The following MAP3K5 variants were observed in gnomAD, a reference collection of about 807,000 sequenced individuals.
MAP3K5 encodes the protein ASK-1.
MAP3K5 carries 56 observed loss-of-function variants against 158.7 expected under a neutral mutation model. The ratio of observed to expected loss-of-function variants is 0.35; its 90% CI spans 0.28 to 0.44. MAP3K5 has a LOEUF of 0.44. Ranked by LOEUF, MAP3K5 falls within the 20% of genes least tolerant of loss-of-function variation. The pLI is 1.00. For missense variants in MAP3K5, 1,294 were observed against 1,674.8 expected, an observed-to-expected ratio of 0.77 and a Z score of 3.97; for synonymous variants, 579 against 601.7, an observed-to-expected ratio of 0.96 and a Z score of 0.55.
intron 7 of MAP3K5, among the ~76,000 whole-genome samples, chr6:136,678,467 A>T (rs1779795091): frequency 6.6e-6 from 1 of 152,220 alleles, no homozygotes; most frequent in Non-Finnish European, 1.5e-5. Flanking sequence ...GGATACATAA[A>T]TATGAACAAT....
At position 136,659,301 on chromosome 6, in the gene MAP3K5, G is replaced by GA. The variant is rs777490757; in HGVS notation, c.1443dup (p.Leu482SerfsTer9). On this transcript the variant is annotated frameshift_variant, in exon 9 of 30. Transcript: ENST00000359015. LOFTEE classifies it high-confidence loss of function. ...TCATTGGCTAGGACGCTGGCCCCCA[G>GA]AAAAAATCCAACTTCCCAGTAGCTC... 1 of 1,614,088 alleles carries GA rather than the reference G, an allele frequency of 6.2e-7. No individual in the cohort carries two copies. Among genetic ancestry groups the GA allele is most frequent in the East Asian group, 2.2e-5 (1 of 44,870 alleles).
chr6:136,687,169 G>A (rs950285036), intron 7 of MAP3K5, among the ~76,000 whole-genome samples: 5 of 152,224 alleles, frequency 3.3e-5, no homozygotes, highest in East Asian at 1.9e-4. Flanking sequence ...AACAAGTAAC[G>A]GGGAAAGAAT....
intron 23 of MAP3K5, 23 bp from the exon 24 acceptor site, chr6:136,583,763 C>T (rs773148994): frequency 1.7e-5 from 28 of 1,602,168 alleles, no homozygotes; most frequent in Non-Finnish European, 2.4e-5. Context: ...ATCAACAATC[C>T]TTACATCAAC....
intron 1 of MAP3K5, among the ~76,000 whole-genome samples, chr6:136,721,880 AAAT>A (rs1202346491): frequency 2.6e-5 from 4 of 152,188 alleles, no homozygotes; most frequent in African/African-American, 9.6e-5. Flanking sequence ...TTAAATTAAA[AAAT>A]AATAACTTCA....
chr6:136,770,675 T>C (rs979156946), intron 1 of MAP3K5, among the ~76,000 whole-genome samples: 1 of 152,212 alleles, frequency 6.6e-6, no homozygotes, highest in Admixed American at 6.5e-5. Context: ...AAGGATTGCC[T>C]GAGCCCAGAA....
At chr6:136,650,412 G>A (rs530645805) in intron 11 of MAP3K5, among the ~76,000 whole-genome samples, 1 of 152,304 alleles carries the variant, frequency 6.6e-6, no homozygotes, top group East Asian at 1.9e-4. Flanking sequence ...GAAGTGGAAA[G>A]GCTTATCCAC....
intron 2 of MAP3K5, among the ~76,000 whole-genome samples, chr6:136,709,307 T>C (rs930751209): frequency 4.6e-5 from 7 of 152,190 alleles, no homozygotes; most frequent in Admixed American, 6.5e-5. Context: ...GGTAGATATA[T>C]GTAAGATATG....
chr6:136,740,642 A>G (rs1246286791), intron 1 of MAP3K5, among the ~76,000 whole-genome samples: 1 of 152,192 alleles, frequency 6.6e-6, no homozygotes, highest in East Asian at 1.9e-4. Flanking sequence ...TTAAAAAAAG[A>G]AGAAATGTTA....
chr6:136,610,597 T>TAA (rs201221344), intron 18 of MAP3K5, among the ~76,000 whole-genome samples: 1,548 of 64,318 alleles, frequency 0.024, 33 homozygotes, highest in African/African-American at 0.083. Context: ...AAATGTTTAA[T>TAA]AAAAAAAAAA....
intron 7 of MAP3K5, among the ~76,000 whole-genome samples, chr6:136,685,338 A>G (rs1337152728): frequency 6.6e-6 from 1 of 152,034 alleles, no homozygotes; most frequent in East Asian, 1.9e-4. Context: ...TAATAATAAT[A>G]ATCTAAACCA....
At chr6:136,659,119 A>G in intron 9 of MAP3K5, 100 bp downstream of exon 9, 1 of 1,046,516 alleles carries the variant, frequency 9.6e-7, no homozygotes, top group Non-Finnish European at 1.4e-6. Flanking sequence ...TTTATTTTAT[A>G]AGCAAATAAA....
chr6:136,754,643 C>T (rs1421164887), intron 1 of MAP3K5, among the ~76,000 whole-genome samples: 1 of 151,980 alleles, frequency 6.6e-6, no homozygotes, highest in African/African-American at 2.4e-5. Flanking sequence ...TAGGGCTCCC[C>T]CACCCTATGC....
chr6:136,579,009 TAA>T (rs935726160), intron 25 of MAP3K5, among the ~76,000 whole-genome samples: 2 of 142,514 alleles, frequency 1.4e-5, no homozygotes, highest in African/African-American at 2.6e-5. Context: ...CATCTCTACT[TAA>T]AAAAAAAAAA....
intron 1 of MAP3K5, among the ~76,000 whole-genome samples, chr6:136,732,166 T>C (rs894076356): frequency 6.6e-6 from 1 of 152,190 alleles, no homozygotes; most frequent in Non-Finnish European, 1.5e-5. Flanking sequence ...GGCTCACGTC[T>C]GTAATCCCAG....
intron 1 of MAP3K5, among the ~76,000 whole-genome samples, chr6:136,780,448 C>T (rs1458644093): frequency 6.6e-6 from 1 of 152,212 alleles, no homozygotes; most frequent in Non-Finnish European, 1.5e-5. Context: ...ACTCTCCTTT[C>T]AACCAGTTTT....
intron 18 of MAP3K5, among the ~76,000 whole-genome samples, chr6:136,606,170 G>T (rs1435654018): frequency 6.6e-6 from 1 of 152,172 alleles, no homozygotes; most frequent in Non-Finnish European, 1.5e-5. Context: ...GGCAAACATG[G>T]TGAAACCCTG....
rs138965462 is a variant in MAP3K5 at position 136,609,134 on chromosome 6, G to A, written c.2521+2148C>T. Among the ~76,000 whole-genome samples the A allele has an allele frequency of 2.2e-4, 34 of 152,310 alleles. No individual in the cohort carries two copies. The highest frequency in any genetic ancestry group is 7.9e-4 in the African/African-American group (33 of 41,572). The stretch of plus-strand genomic sequence containing the variant: ...CCCCAGATTAGTAGCAGAAGATACT[G>A]TGTTAACATCCTGTCCCACAAAGTG... On this transcript the variant is annotated intron_variant, in intron 18 of 29. Coordinates refer to ENST00000359015, the MANE Select transcript of MAP3K5 (RefSeq NM_005923.4). This position sits in a 1 kb window ranked among gnomAD's most constrained non-coding sequence, Gnocchi z 4.4.
intron 2 of MAP3K5, among the ~76,000 whole-genome samples, chr6:136,717,284 A>G (rs1781569680): frequency 6.6e-6 from 1 of 152,192 alleles, no homozygotes; most frequent in Non-Finnish European, 1.5e-5. Flanking sequence ...TTCAAATGAT[A>G]CTTCAGACAT....
chr6:136,573,019 T>C (rs1014143810), intron 25 of MAP3K5, among the ~76,000 whole-genome samples: 34 of 152,234 alleles, frequency 2.2e-4, no homozygotes, highest in African/African-American at 8.2e-4. Context: ...ACTGAGATGG[T>C]TAATTATATA....
Sources: allele counts gnomAD v4.1 joint callset (sites outside exome capture counted in the v4.1 genomes callset), GRCh38; gene constraint gnomAD v4.1.1; non-coding constraint Gnocchi (gnomAD v3.1); transcripts MANE v1.5; gene names NCBI Gene and HGNC (gene_info 2026-07-23, HGNC 2026-07-21).